The following KSR2 variants were observed in gnomAD, a reference collection of about 807,000 sequenced individuals.
The protein encoded by KSR2 is kinase suppressor of ras 2.
In KSR2, 25 loss-of-function variants were observed where a neutral mutation model predicts 107.8. That is an observed-to-expected ratio of 0.23 (90% CI 0.17 to 0.32). KSR2 has a LOEUF of 0.32. Among genes scored for constraint, KSR2 ranks in the 10% least tolerant of loss-of-function variants. KSR2 has a pLI of 1.00. For synonymous variants in KSR2, 480 were observed against 507.0 expected (o/e 0.95, Z 0.71); for missense variants, 887 against 1,268.9 (o/e 0.70, Z 4.57).
chr12:117,923,879 C>CT (rs547713240), intron 1 of KSR2, among the ~76,000 whole-genome samples: 3,680 of 135,438 alleles, frequency 0.027, 131 homozygotes, highest in East Asian at 0.1. Context: ...TATATATTTG[C>CT]TTTTTTTTTT....
rs192662983 is a variant in KSR2, at chr12:117,803,265, G to A, written c.473-41741C>T. ...GAACACAGCGTTCCATTCCAGAGCT[G>A]GGAGCGGACGGCAGAGAGGTGGCAT... On this transcript the variant is annotated intron_variant, in intron 3 of 19. Transcript: ENST00000339824. Among the ~76,000 whole-genome samples the A allele has an allele frequency of 2.6e-5, 4 of 152,314 alleles. No individual in the cohort carries two copies. In the East Asian group the frequency reaches 5.8e-4, roughly 22 times the overall value.
intron 2 of KSR2, among the ~76,000 whole-genome samples, chr12:117,856,214 G>A (rs552328649): frequency 4.6e-5 from 7 of 152,206 alleles, no homozygotes; most frequent in Non-Finnish European, 1.0e-4. Flanking sequence ...GGAGTATAGC[G>A]TGGAGTGGGG....
At chr12:117,525,645 C>T (rs1335614599) in intron 13 of KSR2, among the ~76,000 whole-genome samples, 1 of 152,220 alleles carries the variant, frequency 6.6e-6, no homozygotes, top group Admixed American at 6.5e-5. Context: ...CCTTCCTATT[C>T]TTCCATAGTC....
chr12:117,706,210 AT>A (rs1886526798), intron 4 of KSR2, among the ~76,000 whole-genome samples: 1 of 151,732 alleles, frequency 6.6e-6, no homozygotes, highest in Non-Finnish European at 1.5e-5. Flanking sequence ...CACCCAGATA[AT>A]TTTTGTATTT....
intron 4 of KSR2, among the ~76,000 whole-genome samples, chr12:117,709,643 C>T (rs183756623): frequency 2.0e-5 from 3 of 152,206 alleles, no homozygotes; most frequent in African/African-American, 7.2e-5. Context: ...TACTTCAGTG[C>T]ACCAGGCTGG....
chr12:117,776,092 A>T (rs1006578809), intron 3 of KSR2, among the ~76,000 whole-genome samples: 27 of 149,698 alleles, frequency 1.8e-4, no homozygotes, highest in African/African-American at 5.9e-4. Context: ...AATAAAAATT[A>T]ATTAATTAAT....
chr12:117,554,979 G>A lies in KSR2; in HGVS notation c.1518+190C>T, dbSNP rs1338788233. 2.6e-5 allele frequency among the ~76,000 whole-genome samples: 4 copies of A among 152,064 alleles called. No individual in the cohort carries two copies. The East Asian group carries it at 7.7e-4, about 29-fold the overall frequency. Reference sequence around the variant, plus strand: ...TGCCCTCTTTCTAAATAAGATTTCTGGCACACAAATCTCTCCACTGATCTC... The same window carrying A: ...TGCCCTCTTTCTAAATAAGATTTCTAGCACACAAATCTCTCCACTGATCTC... On this transcript the variant is annotated intron_variant, in intron 9 of 19. Transcript: ENST00000339824.
chr12:117,954,158 T>A (rs1465437219), intron 1 of KSR2, among the ~76,000 whole-genome samples: 4 of 152,050 alleles, frequency 2.6e-5, no homozygotes, highest in Non-Finnish European at 5.9e-5. Context: ...TTTAAGAAAA[T>A]CATTTAGAGT....
chr12:117,856,950 G>T (rs2137231187), intron 2 of KSR2, among the ~76,000 whole-genome samples: 1 of 152,242 alleles, frequency 6.6e-6, no homozygotes, highest in Admixed American at 6.5e-5. Context: ...GCAGGCAGGG[G>T]GCAGAGAGAG....
chr12:117,773,742 T>C (rs188857484), intron 3 of KSR2, among the ~76,000 whole-genome samples: 35 of 152,378 alleles, frequency 2.3e-4, no homozygotes, highest in African/African-American at 8.4e-4. Context: ...TTTTTTGGTT[T>C]AAATCCTCAT....
chr12:117,579,253 C>A, intron 6 of KSR2, 51 bp from the exon 7 acceptor site: 8 of 1,305,922 alleles, frequency 6.1e-6, no homozygotes, highest in Non-Finnish European at 7.7e-6. Context: ...GGCGACTGAC[C>A]TATCTCTAGA....
chr12:117,800,355 C>T (rs1451494060), intron 3 of KSR2, among the ~76,000 whole-genome samples: 1 of 151,996 alleles, frequency 6.6e-6, no homozygotes. Context: ...TCTGTGGTTC[C>T]TCATGTGCTA....
intron 5 of KSR2, among the ~76,000 whole-genome samples, chr12:117,665,661 C>T (rs556729746): frequency 6.6e-6 from 1 of 152,318 alleles, no homozygotes; most frequent in South Asian, 2.1e-4. Flanking sequence ...TCATAAAAGC[C>T]ACCATTTATT....
intron 1 of KSR2, among the ~76,000 whole-genome samples, chr12:117,942,860 T>C (rs1158544798): frequency 1.3e-5 from 2 of 152,138 alleles, no homozygotes; most frequent in Non-Finnish European, 2.9e-5. Flanking sequence ...AAAATATTTA[T>C]TAAGGCTGTG....
chr12:117,793,736 C>T (rs1890410025), intron 3 of KSR2, among the ~76,000 whole-genome samples: 1 of 145,460 alleles, frequency 6.9e-6, no homozygotes, highest in South Asian at 2.3e-4. Flanking sequence ...AGCATGCACT[C>T]ATACCATGCA....
chr12:117,847,401 C>T (rs542269441), intron 3 of KSR2, among the ~76,000 whole-genome samples: 19 of 152,288 alleles, frequency 1.2e-4, no homozygotes, highest in East Asian at 7.7e-4. Context: ...AGTTCTCCCC[C>T]TTGATACTCA....
chr12:117,718,648 T>C (rs550841369), intron 4 of KSR2, among the ~76,000 whole-genome samples: 1 of 152,264 alleles, frequency 6.6e-6, no homozygotes, highest in East Asian at 1.9e-4. Context: ...GGAAGCTCAG[T>C]TTTGTCCTCT....
chr12:117,816,823 C>T (rs1190243832), intron 3 of KSR2, among the ~76,000 whole-genome samples: 3 of 152,160 alleles, frequency 2.0e-5, no homozygotes, highest in Non-Finnish European at 2.9e-5. Flanking sequence ...CCCCATTTTG[C>T]AGATAAGGCA....
At chr12:117,482,219 GC>G (rs1207216029) in intron 16 of KSR2, among the ~76,000 whole-genome samples, 3 of 151,974 alleles carry the variant, frequency 2.0e-5, no homozygotes, top group East Asian at 3.9e-4. Flanking sequence ...GACCCCATCA[GC>G]CCCCCAGATG....
Sources: gnomAD v4.1 joint callset for allele counts (sites outside exome capture counted in the v4.1 genomes callset) on GRCh38, gnomAD v4.1.1 for gene constraint, MANE v1.5 for transcripts, NCBI Gene and HGNC (gene_info 2026-07-23, HGNC 2026-07-21) for gene names.